The following CASD1 variants were observed in gnomAD, a reference collection of about 807,000 sequenced individuals.
The protein encoded by CASD1 is N-acetylneuraminate (7)9-O-acetyltransferase.
A neutral mutation model predicts 100.0 loss-of-function variants in CASD1; 41 were observed. That is an observed-to-expected ratio of 0.41 (90% CI 0.32 to 0.53). The LOEUF (loss-of-function observed/expected upper bound fraction) is 0.53. Among genes scored for constraint, CASD1 ranks in the 20% least tolerant of loss-of-function variants. The pLI is 0.25. For missense variants in CASD1, 774 were observed against 948.7 expected (o/e 0.82, Z 2.42); for synonymous variants, 321 against 315.6 (o/e 1.02, Z -0.18).
chr7:94,600,925 GA>G, the CASD1 span: 1 of 1,275,870 alleles, frequency 7.8e-7, no homozygotes, highest in East Asian at 2.4e-5. Flanking sequence ...TTAAGATCTG[GA>G]TACACTAAAG....
At position 94,522,692 on chromosome 7, in the gene CASD1, C is replaced by G. The variant is rs996658467; in HGVS notation, c.351+4369C>G. On this transcript the variant is annotated intron_variant, in intron 3 of 17. Transcript: ENST00000297273. ...TTTTTTTTGAGACGGAGTTCTCGCTCTGTTGCCCAGGCTGGAGTGCAGTGG... is the reference window on the plus strand; with the variant it reads ...TTTTTTTTGAGACGGAGTTCTCGCTGTGTTGCCCAGGCTGGAGTGCAGTGG... Among the ~76,000 whole-genome samples the G allele has an allele frequency of 1.9e-4, 28 of 150,902 alleles. 1 individual carries two copies. The highest frequency in any genetic ancestry group is 6.1e-4 in the African/African-American group (25 of 41,018).
the CASD1 span, among the ~76,000 whole-genome samples, chr7:94,608,811 T>C: frequency 6.6e-6 from 1 of 152,238 alleles, no homozygotes; most frequent in South Asian, 2.1e-4. Flanking sequence ...GCAAAGGCAA[T>C]ACAATGGAGG....
the CASD1 span, chr7:94,622,128 T>C: frequency 4.6e-5 from 7 of 152,190 alleles, no homozygotes; most frequent in Non-Finnish European, 8.8e-5. Flanking sequence ...GCATTATCAT[T>C]AATGCTAAAT....
chr7:94,588,865 C>T, the CASD1 span: 1 of 923,494 alleles, frequency 1.1e-6, no homozygotes, highest in Non-Finnish European at 1.7e-6. Context: ...ATTCCCCTCC[C>T]CTTTCATGAG....
At chr7:94,547,413 C>T (rs1008674808) in intron 13 of CASD1, among the ~76,000 whole-genome samples, 2 of 151,768 alleles carry the variant, frequency 1.3e-5, no homozygotes, top group African/African-American at 2.4e-5. Context: ...GTTCAAGATC[C>T]GTTTTACTTG....
chr7:94,628,166 A>G, the CASD1 span: 1 of 1,531,642 alleles, frequency 6.5e-7, no homozygotes, highest in Non-Finnish European at 9.0e-7. Flanking sequence ...ACACACACAT[A>G]TATGTATAGT....
intron 10 of CASD1, among the ~76,000 whole-genome samples, chr7:94,543,648 G>A (rs1795528295): frequency 9.0e-6 from 1 of 111,388 alleles, no homozygotes; most frequent in Non-Finnish European, 2.1e-5. Context: ...GAGTGAGACT[G>A]TCTCCAAAAA....
chr7:94,574,328 G>A, the CASD1 span, among the ~76,000 whole-genome samples: 2 of 152,034 alleles, frequency 1.3e-5, no homozygotes, highest in African/African-American at 4.8e-5. Flanking sequence ...TGTACATCTG[G>A]TAGAATTTGG....
chr7:94,522,724 C>G (rs1794347305), intron 3 of CASD1, among the ~76,000 whole-genome samples: 1 of 151,220 alleles, frequency 6.6e-6, no homozygotes, highest in Non-Finnish European at 1.5e-5. Flanking sequence ...GTGGTGTGAT[C>G]TCAGCTCACT....
chr7:94,562,812 C>G, the CASD1 span, among the ~76,000 whole-genome samples: 30 of 152,260 alleles, frequency 2.0e-4, no homozygotes, highest in African/African-American at 5.3e-4. Context: ...ATGCTTCTTA[C>G]TGCCATGTCA....
chr7:94,554,219 T>C (rs1194114411), intron 16 of CASD1: 1 of 233,854 alleles, frequency 4.3e-6, no homozygotes, highest in Non-Finnish European at 8.2e-6. Context: ...CTGTAATTTT[T>C]CCAGTATACA....
intron 10 of CASD1, among the ~76,000 whole-genome samples, chr7:94,542,240 T>C (rs761985859): frequency 6.6e-6 from 1 of 152,184 alleles, no homozygotes; most frequent in Non-Finnish European, 1.5e-5. Context: ...CCATCAGATA[T>C]AAGAGTGAGT....
chr7:94,540,254 T>C (rs1197310184), intron 10 of CASD1, among the ~76,000 whole-genome samples: 1 of 152,208 alleles, frequency 6.6e-6, no homozygotes, highest in Non-Finnish European at 1.5e-5. Context: ...ATTTGGGAAC[T>C]ACTGAACTGT....
chr7:94,544,329 T>C, intron 10 of CASD1, 82 bp from the exon 11 acceptor site: 1 of 1,496,102 alleles, frequency 6.7e-7, no homozygotes, highest in Non-Finnish European at 9.2e-7. Flanking sequence ...TCATTTATTA[T>C]CTTTGTTAAA....
the CASD1 span, chr7:94,598,671 C>T: frequency 1.2e-6 from 1 of 850,782 alleles, no homozygotes; most frequent in Non-Finnish European, 2.0e-6. Context: ...TTTTCTCTTC[C>T]AGTTATAAAC....
downstream of CASD1, among the ~76,000 whole-genome samples, chr7:94,559,276 CTGTGTGTG>C (rs377655712): frequency 1.5e-4 from 20 of 137,598 alleles, no homozygotes; most frequent in African/African-American, 1.3e-4. Flanking sequence ...GTATATATGT[CTGTGTGTG>C]TGTGTGTGTG....
At chr7:94,595,938 G>A in the CASD1 span, among the ~76,000 whole-genome samples, 2 of 152,048 alleles carry the variant, frequency 1.3e-5, no homozygotes, top group South Asian at 2.1e-4. Context: ...TGAGTCAGAC[G>A]CACTTGATGA....
At chr7:94,511,616 A>G (rs1793710198) in intron 1 of CASD1, among the ~76,000 whole-genome samples, 1 of 152,224 alleles carries the variant, frequency 6.6e-6, no homozygotes, top group African/African-American at 2.4e-5. Context: ...TTTTGAGGAA[A>G]TATTTCTTTT....
chr7:94,583,289 C>T, the CASD1 span, among the ~76,000 whole-genome samples: 1 of 152,126 alleles, frequency 6.6e-6, no homozygotes, highest in Non-Finnish European at 1.5e-5. Flanking sequence ...CTTTCAATTT[C>T]ATTACTGCCA....
Sources: allele counts gnomAD v4.1 joint callset (sites outside exome capture counted in the v4.1 genomes callset), GRCh38; gene constraint gnomAD v4.1.1; transcripts MANE v1.5; gene names NCBI Gene and HGNC (gene_info 2026-07-23, HGNC 2026-07-21).